The following COBL variants were observed in gnomAD, a reference collection of about 807,000 sequenced individuals.
COBL encodes cordon-bleu WH2 repeat protein.
Under a neutral mutation model 98.8 loss-of-function variants are expected in COBL, and 51 were observed. The observed-to-expected ratio is 0.52, with a 90% confidence interval of 0.41 to 0.65. The LOEUF (loss-of-function observed/expected upper bound fraction) is 0.65, where lower values mean the gene tolerates loss of function less well. COBL is among the 30% of genes least tolerant of loss of function. COBL has a pLI of 0.00. For synonymous variants in COBL, 634 were observed against 651.7 expected, an observed-to-expected ratio of 0.97 and a Z score of 0.41; for missense variants, 1,617 against 1,617.5, an observed-to-expected ratio of 1.00 and a Z score of 0.01.
intron 1 of COBL, among the ~76,000 whole-genome samples, chr7:51,289,684 G>C (rs1473471755): frequency 6.6e-6 from 1 of 152,246 alleles, no homozygotes; most frequent in Non-Finnish European, 1.5e-5. Flanking sequence ...AACACTCCCA[G>C]CAAGCCACAG....
At chr7:51,176,306 CT>C (rs1257155100) in intron 5 of COBL, among the ~76,000 whole-genome samples, 1 of 152,024 alleles carries the variant, frequency 6.6e-6, no homozygotes, top group African/African-American at 2.4e-5. Context: ...CTGATTTGTC[CT>C]GGCTAAAATC....
chr7:51,070,186 C>T (rs1792380228), intron 7 of COBL, among the ~76,000 whole-genome samples: 1 of 152,098 alleles, frequency 6.6e-6, no homozygotes, highest in Non-Finnish European at 1.5e-5. Context: ...TTATGCGTTG[C>T]TATTGGTGAC....
intron 1 of COBL, among the ~76,000 whole-genome samples, chr7:51,231,153 A>T (rs748302705): frequency 1.3e-5 from 2 of 152,326 alleles, no homozygotes; most frequent in East Asian, 3.9e-4. Context: ...AAGTAATTTC[A>T]TTCTTGTAAA....
intron 6 of COBL, among the ~76,000 whole-genome samples, chr7:51,095,989 A>T (rs1795239030): frequency 6.6e-6 from 1 of 152,166 alleles, no homozygotes; most frequent in Admixed American, 6.5e-5. Context: ...AACCAGAGAG[A>T]TCCATAAGTA....
chr7:51,315,505 CTCCT>C (rs1471769674), intron 1 of COBL, among the ~76,000 whole-genome samples: 1 of 152,238 alleles, frequency 6.6e-6, no homozygotes, highest in Non-Finnish European at 1.5e-5. Flanking sequence ...CCAAAGCTGC[CTCCT>C]TCAAGTCCAG....
At chr7:51,283,431 A>AT (rs1387566113) in intron 1 of COBL, among the ~76,000 whole-genome samples, 2 of 152,256 alleles carry the variant, frequency 1.3e-5, no homozygotes, top group East Asian at 3.8e-4. Flanking sequence ...CTCATTAAAG[A>AT]TTAAATAGAT....
chr7:51,095,316 CTCCCATTGGG>C (rs1426769916), intron 6 of COBL, among the ~76,000 whole-genome samples: 5 of 152,174 alleles, frequency 3.3e-5, no homozygotes, highest in Admixed American at 3.3e-4. Context: ...ATTCAATGAC[CTCCCATTGGG>C]TCCCTCTCAC....
chr7:51,121,469 T>A (rs1396259854), intron 6 of COBL, among the ~76,000 whole-genome samples: 1 of 152,262 alleles, frequency 6.6e-6, no homozygotes. Context: ...GTTGCCTTTT[T>A]AATCTGTTGA....
chr7:51,077,511 G>T (rs1793207203), intron 7 of COBL, among the ~76,000 whole-genome samples: 1 of 152,228 alleles, frequency 6.6e-6, no homozygotes, highest in Non-Finnish European at 1.5e-5. Flanking sequence ...GCACGAGTTT[G>T]TTCTTTGGCC....
chr7:51,167,463 AT>A (rs1244894080), intron 5 of COBL, among the ~76,000 whole-genome samples: 1 of 152,108 alleles, frequency 6.6e-6, no homozygotes. Flanking sequence ...AAATTGAAAA[AT>A]ATTCCATGCT....
intron 4 of COBL, 37 bp downstream of exon 4, chr7:51,190,813 A>G (rs1790034664): frequency 6.4e-7 from 1 of 1,566,650 alleles, no homozygotes; most frequent in South Asian, 1.1e-5. Flanking sequence ...CATCCGTGTG[A>G]TTATGGGCAG....
chr7:51,200,091 G>A (rs1157364252), intron 2 of COBL, among the ~76,000 whole-genome samples: 1 of 152,152 alleles, frequency 6.6e-6, no homozygotes, highest in Non-Finnish European at 1.5e-5. Context: ...CAGAAACCTT[G>A]CAGGCCAGGA....
At chr7:51,199,179 G>T (rs1790879515) in intron 2 of COBL, among the ~76,000 whole-genome samples, 1 of 152,162 alleles carries the variant, frequency 6.6e-6, no homozygotes, top group Non-Finnish European at 1.5e-5. Context: ...GTGGCCTGCT[G>T]GGAGACACGT....
intron 5 of COBL, among the ~76,000 whole-genome samples, chr7:51,177,866 C>G (rs145294058): frequency 0.03 from 4,534 of 151,564 alleles, 219 homozygotes; most frequent in South Asian, 0.19. Context: ...TTTTGTTGGC[C>G]GGGCACGGTG....
intron 7 of COBL, chr7:51,072,411 G>A (rs925009024): frequency 6.6e-6 from 1 of 152,334 alleles, no homozygotes; most frequent in African/African-American, 2.4e-5. Context: ...CACTCAAAGA[G>A]GAGCCAGCAG....
At chr7:51,104,919 G>A (rs756873192) in intron 6 of COBL, among the ~76,000 whole-genome samples, 13 of 152,222 alleles carry the variant, frequency 8.5e-5, no homozygotes, top group Non-Finnish European at 1.3e-4. Context: ...AAGTTCATGC[G>A]TCTAGAAAGT....
chr7:51,134,683 A>C (rs1408387006), intron 6 of COBL, among the ~76,000 whole-genome samples: 2 of 152,238 alleles, frequency 1.3e-5, no homozygotes, highest in African/African-American at 4.8e-5. Flanking sequence ...GCAAAAAGAT[A>C]TTCCCAGGGG....
intron 6 of COBL, among the ~76,000 whole-genome samples, chr7:51,119,125 A>G (rs1797532112): frequency 6.6e-6 from 1 of 152,198 alleles, no homozygotes; most frequent in Non-Finnish European, 1.5e-5. Context: ...ATACCTACCA[A>G]AGTTACAGGG....
At chr7:51,033,437 G>T (rs1339241537) in intron 8 of COBL, 2 of 152,252 alleles carry the variant, frequency 1.3e-5, no homozygotes, top group Admixed American at 6.5e-5. Flanking sequence ...ATTAAAATCA[G>T]TAAATATGAT....
Sources: allele counts gnomAD v4.1 joint callset (sites outside exome capture counted in the v4.1 genomes callset), GRCh38; gene constraint gnomAD v4.1.1; transcripts MANE v1.5; gene names NCBI Gene and HGNC (gene_info 2026-07-23, HGNC 2026-07-21).